TNRC6B: variants seen among roughly 807,000 people sequenced by gnomAD.
TNRC6B encodes the protein trinucleotide repeat containing adaptor 6B, also known as trinucleotide repeat-containing gene 6B protein.
Under a neutral mutation model 203.6 loss-of-function variants are expected in TNRC6B, and 52 were observed. The ratio of observed to expected loss-of-function variants is 0.26; its 90% CI spans 0.20 to 0.32. TNRC6B has a LOEUF of 0.32. TNRC6B is among the 10% of genes least tolerant of loss of function. The pLI is 1.00. For synonymous variants in TNRC6B, 838 were observed against 845.7 expected, an observed-to-expected ratio of 0.99 and a Z score of 0.16; for missense variants, 1,923 against 2,286.2, an observed-to-expected ratio of 0.84 and a Z score of 3.24.
chr22:40,124,109 A>G (rs1201525893), intron 2 of TNRC6B, among the ~76,000 whole-genome samples: 1 of 152,106 alleles, frequency 6.6e-6, no homozygotes, highest in East Asian at 1.9e-4. Flanking sequence ...ATTTGTTCCC[A>G]ACAAGACCTT....
chr22:40,077,714 G>T (rs1016859457), intron 1 of TNRC6B, among the ~76,000 whole-genome samples: 2 of 152,040 alleles, frequency 1.3e-5, no homozygotes, highest in Admixed American at 1.3e-4. Context: ...CATGATCACT[G>T]TAATCCTCTT....
chr22:40,112,097 C>T (rs763220146), intron 1 of TNRC6B, among the ~76,000 whole-genome samples: 41 of 151,890 alleles, frequency 2.7e-4, no homozygotes, highest in Non-Finnish European at 4.9e-4. Flanking sequence ...GAGACTCCCT[C>T]TCAAAAAAGA....
intron 20 of TNRC6B, 100 bp from the exon 21 acceptor site, chr22:40,315,842 G>C: frequency 1.1e-6 from 1 of 919,268 alleles, no homozygotes; most frequent in South Asian, 1.6e-5. Context: ...ATTTATAAAA[G>C]CAGAGAAGAA....
Position 40,297,660 on chromosome 22 carries a change from A to G in TNRC6B, c.3709-2795A>G, listed in dbSNP as rs553301233. 1.1e-4 allele frequency among the ~76,000 whole-genome samples: 16 copies of G among 152,156 alleles called. No individual in the cohort carries two copies. The South Asian group carries it at 3.1e-3, about 30-fold the overall frequency. On this transcript the variant is annotated intron_variant, in intron 12 of 22. Transcript: ENST00000454349. Reference sequence around the variant, plus strand: ...AATATGGTAAAACCCCGTCTCTACTAAAAATACAAAAATTAGCTGGGTGTG... The same window carrying G: ...AATATGGTAAAACCCCGTCTCTACTGAAAATACAAAAATTAGCTGGGTGTG...
At chr22:40,220,854 T>G (rs1292211448) in intron 1 of TNRC6B, among the ~76,000 whole-genome samples, 2 of 152,192 alleles carry the variant, frequency 1.3e-5, no homozygotes, top group African/African-American at 4.8e-5. Flanking sequence ...TTTTCAAGAC[T>G]GGACTCGTTG....
intron 1 of TNRC6B, among the ~76,000 whole-genome samples, chr22:40,244,853 T>A (rs1467043195): frequency 6.6e-6 from 1 of 152,232 alleles, no homozygotes; most frequent in Non-Finnish European, 1.5e-5. Context: ...TTTTTCCCAG[T>A]TGATACATAG....
At chr22:40,100,973 C>T (rs1022687942) in intron 1 of TNRC6B, among the ~76,000 whole-genome samples, 13 of 149,842 alleles carry the variant, frequency 8.7e-5, no homozygotes, top group Admixed American at 8.6e-4. Flanking sequence ...TCATCTGGGC[C>T]CATTGCTTTC....
At chr22:40,218,277 G>A (rs1465289986) in intron 1 of TNRC6B, among the ~76,000 whole-genome samples, 1 of 151,004 alleles carries the variant, frequency 6.6e-6, no homozygotes. Flanking sequence ...GTGCTACCTG[G>A]AGAGCTTTTG....
At chr22:40,241,870 A>G (rs982809543) in intron 1 of TNRC6B, among the ~76,000 whole-genome samples, 1 of 152,292 alleles carries the variant, frequency 6.6e-6, no homozygotes, top group Admixed American at 6.5e-5. Flanking sequence ...ATAGTCTCTT[A>G]CTATAATTAC....
chr22:40,047,458 C>T (rs971216999), intron 1 of TNRC6B, among the ~76,000 whole-genome samples: 6 of 151,988 alleles, frequency 3.9e-5, no homozygotes, highest in African/African-American at 1.5e-4. Flanking sequence ...AAAAAATTAG[C>T]CGGGCGTGGT....
intron 21 of TNRC6B, among the ~76,000 whole-genome samples, chr22:40,318,559 AT>A (rs911486384): frequency 4.7e-5 from 7 of 150,146 alleles, no homozygotes; most frequent in African/African-American, 1.2e-4. Context: ...AGAAAAAAAA[AT>A]TTTTTTTTTA....
chr22:40,278,118 T>C, intron 9 of TNRC6B, 74 bp downstream of exon 9: 1 of 1,163,782 alleles, frequency 8.6e-7, no homozygotes. Context: ...CTGCCCAATT[T>C]GATTAGGGAT....
chr22:40,125,733 T>A (rs1469769125), intron 2 of TNRC6B: 2 of 1,511,222 alleles, frequency 1.3e-6, no homozygotes, highest in Non-Finnish European at 8.9e-7. Flanking sequence ...TTTTTTGCCC[T>A]GAATTCCTTA....
At chr22:40,106,211 C>T in intron 1 of TNRC6B, 4 of 315,872 alleles carry the variant, frequency 1.3e-5, no homozygotes, top group South Asian at 8.5e-5. Context: ...TTTATGTTGC[C>T]TGCTTTTTCA....
At position 40,264,853 on chromosome 22, in the gene TNRC6B, C is replaced by T; in HGVS notation, c.623C>T (p.Thr208Ile). The T allele has an allele frequency of 1.2e-6, 2 of 1,613,918 alleles. No homozygotes were observed. The highest frequency in any genetic ancestry group is 1.3e-5 in the African/African-American group (1 of 75,032). Residue 208 changes from threonine to isoleucine, a missense_variant, in exon 5 of 23, where the codon ACT becomes ATT. Physicochemically the swap from Thr to Ile is moderately conservative, Grantham distance 89. Coordinates refer to ENST00000454349, the MANE Select transcript of TNRC6B (RefSeq NM_001162501.2). ...EEWPCIASKD[T>I]ESSSENTTDN... is the part of the protein sequence containing the mutation. ...TGGCCTTGTATTGCCAGCAAAGACA[C>T]TGAATCTTCTTCCGAAAACACCACC...
At chr22:40,048,724 C>G (rs1042767644) in intron 1 of TNRC6B, among the ~76,000 whole-genome samples, 12 of 152,100 alleles carry the variant, frequency 7.9e-5, no homozygotes, top group Non-Finnish European at 1.8e-4. Context: ...CATGAATGTA[C>G]ACAGTCAGGA....
Position 40,242,179 on chromosome 22 carries a change from AGTGTGTGTGTGTGTGTGTGT to A in TNRC6B, c.6-3824_6-3805del. On this transcript the variant is annotated intron_variant, in intron 1 of 22. Coordinates refer to ENST00000454349, the MANE Select transcript of TNRC6B (RefSeq NM_001162501.2). The stretch of plus-strand genomic sequence containing the variant: ...AGAGTGACAGAGCTAAGGGAATAAG[AGTGTGTGTGTGTGTGTGTGT>A]GTGTGTGTGTGCATGCGCACGTGCG... Among the ~76,000 whole-genome samples, 4 of 149,554 alleles carry A rather than the reference AGTGTGTGTGTGTGTGTGTGT, an allele frequency of 2.7e-5. No individual in the cohort carries two copies. The South Asian group carries it at 8.5e-4, about 32-fold the overall frequency.
At chr22:40,149,994 C>A (rs1601842840) in intron 3 of TNRC6B, among the ~76,000 whole-genome samples, 1 of 151,714 alleles carries the variant, frequency 6.6e-6, no homozygotes, top group African/African-American at 2.4e-5. Flanking sequence ...TGAAAGCCAA[C>A]AAAAAATTGA....
intron 15 of TNRC6B, 60 bp downstream of exon 15, chr22:40,301,393 G>A (rs2071021361): frequency 3.2e-6 from 5 of 1,544,080 alleles, no homozygotes; most frequent in Non-Finnish European, 4.4e-6. Context: ...GCCTGTGGTA[G>A]GGGTTGCACC....
Sources: gnomAD v4.1 joint callset for allele counts (sites outside exome capture counted in the v4.1 genomes callset) on GRCh38, gnomAD v4.1.1 for gene constraint, MANE v1.5 for transcripts, NCBI Gene and HGNC (gene_info 2026-07-23, HGNC 2026-07-21) for gene names.